The following ABCA3 variants were observed in gnomAD, a reference collection of about 807,000 sequenced individuals.
ABCA3 encodes the protein phospholipid-transporting ATPase ABCA3.
Under a neutral mutation model 172.8 loss-of-function variants are expected in ABCA3, and 88 were observed. The observed-to-expected ratio is 0.51, with a 90% CI of 0.43 to 0.61. The LOEUF is 0.61. Among genes scored for constraint, ABCA3 ranks in the 20% least tolerant of loss-of-function variants. The pLI is 0.00. For missense variants in ABCA3, 2,164 were observed against 2,301.0 expected (o/e 0.94, Z 1.22); for synonymous variants, 1,066 against 983.8 (o/e 1.08, Z -1.56).
In ABCA3 at chr16:2,300,551, CAT is replaced by C. The variant is rs1490068572; in HGVS notation, c.1468-405_1468-404del. Among the ~76,000 whole-genome samples, 26 of 152,328 alleles carry C rather than the reference CAT, an allele frequency of 1.7e-4. 1 individual carries two copies. The East Asian group carries it at 4.8e-3, about 28-fold the overall frequency. On this transcript the variant is annotated intron_variant, in intron 12 of 32. Coordinates refer to ENST00000301732, the MANE Select transcript of ABCA3 (RefSeq NM_001089.3). The stretch of plus-strand genomic sequence containing the variant: ...CGGCTGTTTCTTTGCTCAAGCCCCA[CAT>C]GAGTTCATGACTGTAAGCAAGAGAA...
chr16:2,307,004 G>A (rs1173659842), intron 11 of ABCA3, among the ~76,000 whole-genome samples: 4 of 115,994 alleles, frequency 3.4e-5, no homozygotes, highest in East Asian at 2.6e-4. Context: ...GAAAGAGTGA[G>A]AGACTCCGTC....
chr16:2,319,612 G>C lies in ABCA3; in HGVS notation c.842C>G (p.Ala281Gly), dbSNP rs1271636331. The change falls in exon 8 of 33, where the codon GCT (alanine) becomes GGT (glycine). Residue 281 changes from alanine to glycine, a missense_variant. By Grantham distance (60) the Ala-to-Gly change is moderately conservative. This residue lies in a region of ABCA3 where 1,343 missense variants were observed against 1,369.6 expected (regional missense o/e 0.98). Transcript: ENST00000301732. The part of the protein sequence containing the change: ...FTYTALTIAR[A>G]VVQEKERRLK... ...CCTCCTTTCCTTCTCCTGCACGACA[G>C]CACGGGCAATGGTGAGCGCGGTGTA... 1 of 1,613,148 alleles carries C rather than the reference G, an allele frequency of 6.2e-7. No individual in the cohort carries two copies. Among genetic ancestry groups the C allele is most frequent in the Non-Finnish European group, 8.5e-7 (1 of 1,180,028 alleles).
chr16:2,334,371 T>C (rs1389963526), intron 1 of ABCA3, among the ~76,000 whole-genome samples: 2 of 152,128 alleles, frequency 1.3e-5, no homozygotes, highest in East Asian at 1.9e-4. Flanking sequence ...TGTGTCCCAA[T>C]GGGCAGTGAT....
chr16:2,288,102 G>C lies in ABCA3; in HGVS notation c.2928C>G (p.Ser976=). 1 of 1,613,648 alleles carries C rather than the reference G, an allele frequency of 6.2e-7. No individual in the cohort carries two copies. The highest frequency in any genetic ancestry group is 1.1e-5 in the South Asian group (1 of 91,048). Residue 976 remains serine, a synonymous_variant, in exon 21 of 33, where the codon TCC becomes TCG. Transcript: ENST00000301732. ...TVVPFSVPGT[S]QLGQQLSEHL... ...GCTCTGACAGCTGCTGACCCAGCTGGGAGGTCCCGGGAACTGAGAAGGGCA... is the reference window on the plus strand; with the variant it reads ...GCTCTGACAGCTGCTGACCCAGCTGCGAGGTCCCGGGAACTGAGAAGGGCA...
chr16:2,286,553 G>A lies in ABCA3; in HGVS notation c.3278+141C>T. On this transcript the variant is annotated intron_variant, in intron 22 of 32. Coordinates refer to ENST00000301732, the MANE Select transcript of ABCA3 (RefSeq NM_001089.3). This position sits in a 1 kb window ranked among gnomAD's most constrained non-coding sequence, Gnocchi z 5.2. ...GTTGGGGCTGTGGATGGTGGAGGAGGATGTGGCAGGGGTTTCCCACCAGAC... is the reference window on the plus strand; with the variant it reads ...GTTGGGGCTGTGGATGGTGGAGGAGAATGTGGCAGGGGTTTCCCACCAGAC... The A allele has an allele frequency of 8.9e-7, 1 of 1,118,380 alleles. No individual in the cohort carries two copies. Among genetic ancestry groups the A allele is most frequent in the South Asian group, 1.5e-5 (1 of 66,818 alleles). 69.3% of individuals were successfully genotyped at this position (1,118,380 alleles called of 1,614,324 possible). A position where few individuals can be genotyped will look rare whatever the true frequency, so the allele number is the denominator to read the frequency against.
At position 2,285,506 on chromosome 16, in the gene ABCA3, C is replaced by T. The variant is rs1049373660; in HGVS notation, c.3419G>A (p.Ser1140Asn). 6 of 1,610,298 alleles carry T rather than the reference C, an allele frequency of 3.7e-6. No individual in the cohort carries two copies. Among genetic ancestry groups the T allele is most frequent in the South Asian group, 1.1e-5 (1 of 90,228 alleles). ...CCACAGCAGAGCAGAGAGCCAGAAA[C>T]TGGCCACGTGGACTCCACTCACAAA... is the stretch of plus-strand genomic sequence containing the variant. ...VQFVSGVHVASFWLSALLWDL... is the reference protein window; with the variant it reads ...VQFVSGVHVANFWLSALLWDL... Residue 1140 changes from serine to asparagine, a missense_variant, in exon 23 of 33, where the codon AGT becomes AAT. Ser to Asn is a conservative substitution (Grantham distance 46, BLOSUM62 1). Around this residue, in one of 3 missense-constraint regions of ABCA3, gnomAD observed 795 missense variants for 881.9 expected, o/e 0.90. Coordinates refer to ENST00000301732, the MANE Select transcript of ABCA3 (RefSeq NM_001089.3). This position sits in a 1 kb window ranked among gnomAD's most constrained non-coding sequence, Gnocchi z 4.7.
Position 2,279,255 on chromosome 16 carries a change from G to T in ABCA3, c.4360-125C>A. 1.7e-6 allele frequency: 2 copies of T among 1,151,744 alleles called. No homozygotes were observed. Among genetic ancestry groups the T allele is most frequent in the South Asian group, 1.4e-5 (1 of 73,204 alleles). The allele number at this position is 1,151,744 out of a possible 1,614,324, so 71.3% of individuals were successfully genotyped here. A position where few individuals can be genotyped will look rare whatever the true frequency, so the allele number is the denominator to read the frequency against. The stretch of plus-strand genomic sequence containing the variant: ...CTGTCTGTGGTTCCTGCCAGTGTGT[G>T]TACACGGGGGCGCTGGAGCTATGCA... On this transcript the variant is annotated intron_variant, in intron 28 of 32. Transcript: ENST00000301732. This position sits in a 1 kb window ranked among gnomAD's most constrained non-coding sequence, Gnocchi z 4.4.
intron 1 of ABCA3, 37 bp from the exon 2 acceptor site, chr16:2,329,891 A>G (rs1277878614): frequency 6.6e-6 from 1 of 152,228 alleles, no homozygotes; most frequent in East Asian, 1.9e-4. Context: ...TGTAATTTGG[A>G]AAATAATTAT....
rs780475879 is a variant in ABCA3 at position 2,283,379 on chromosome 16, T to C, written c.3863-21A>G. On this transcript the variant is annotated intron_variant, in intron 25 of 32. Transcript: ENST00000301732. This position sits in a 1 kb window ranked among gnomAD's most constrained non-coding sequence, Gnocchi z 5.4. ...GATGTCTGTGGGGCGAGGGAGTCAC[T>C]GTGCCCCGAGGCCTGGGGCACCCTC... 8 of 1,610,022 alleles carry C rather than the reference T, an allele frequency of 5.0e-6. No homozygotes were observed.
At chr16:2,318,116 G>A (rs2093719486) in intron 8 of ABCA3, among the ~76,000 whole-genome samples, 1 of 152,218 alleles carries the variant, frequency 6.6e-6, no homozygotes, top group South Asian at 2.1e-4. Context: ...TCTGGGGGTG[G>A]GCCGAAAGAC....
At chr16:2,332,882 T>C (rs2093745755) in intron 1 of ABCA3, 3 of 536,784 alleles carry the variant, frequency 5.6e-6, no homozygotes, top group Admixed American at 6.9e-5. Flanking sequence ...GCAGGGCTCA[T>C]CGCAGCCTGG....
chr16:2,300,016 G>A lies in ABCA3; in HGVS notation c.1600C>T (p.His534Tyr), dbSNP rs137950456. Reference sequence around the variant, plus strand: ...ACAGGAGGCGGCACCTTGGACAGGTGCTTGATCTTGATCCCCGCCACCAGG... The same window carrying A: ...ACAGGAGGCGGCACCTTGGACAGGTACTTGATCTTGATCCCCGCCACCAGG... ...EDLVAGIKIK[H>Y]LSKVFRVGNK... Residue 534 changes from histidine (H) to tyrosine (Y), a missense_variant, in exon 13 of 33, where the codon CAC becomes TAC. Transcript: ENST00000301732. 9.3e-6 allele frequency: 15 copies of A among 1,613,084 alleles called. No homozygotes were observed. The African/African-American group carries it at 2.0e-4, about 22-fold the overall frequency.
chr16:2,316,328 AAAGAAAAG>A, intron 10 of ABCA3, among the ~76,000 whole-genome samples: 2 of 140,418 alleles, frequency 1.4e-5, no homozygotes, highest in South Asian at 2.2e-4. Flanking sequence ...AAAAAAGAAA[AAAGAAAAG>A]AAAAAAAGAA....
At chr16:2,318,251 G>A (rs1300291638) in intron 8 of ABCA3, among the ~76,000 whole-genome samples, 1 of 152,154 alleles carries the variant, frequency 6.6e-6, no homozygotes, top group African/African-American at 2.4e-5. Flanking sequence ...GAAAGGAGGG[G>A]CCCAGAACCT....
chr16:2,277,553 C>T lies in ABCA3; in HGVS notation c.4983+44G>A, dbSNP rs766115461. ...GGGAGAGACCCCTGGAGGGACCTCCCCCTGCCCCATGAGTGCCCAGTGGGG... is the reference window on the plus strand; with the variant it reads ...GGGAGAGACCCCTGGAGGGACCTCCTCCTGCCCCATGAGTGCCCAGTGGGG... On this transcript the variant is annotated intron_variant, in intron 32 of 32. Transcript: ENST00000301732. The surrounding 1 kb of genome is among the most constrained non-coding windows in gnomAD (Gnocchi z 5.3). 1.9e-6 allele frequency: 3 copies of T among 1,603,622 alleles called. No individual in the cohort carries two copies. The Admixed American group carries it at 5.0e-5, about 27-fold the overall frequency.
Position 2,297,762 on chromosome 16 carries a change from A to G in ABCA3, c.2052+4T>C, listed in dbSNP as rs779317849. The G allele has an allele frequency of 2.5e-6, 4 of 1,610,976 alleles. No homozygotes were observed. The highest frequency in any genetic ancestry group is 1.9e-4 in the Middle Eastern group (1 of 5,314). On this transcript the variant is annotated splice_donor_region_variant and intron_variant, in intron 16 of 32. Transcript: ENST00000301732. The surrounding 1 kb of genome is among the most constrained non-coding windows in gnomAD (Gnocchi z 5.6). ...ACCCACTGCCTCCAGTCCCACCGCC[A>G]CACCTTGGAGCCTGCGATGAGGGCG...
At chr16:2,305,369 T>C (rs1456107486) in intron 11 of ABCA3, among the ~76,000 whole-genome samples, 1 of 152,196 alleles carries the variant, frequency 6.6e-6, no homozygotes, top group Non-Finnish European at 1.5e-5. Context: ...CAATCTTGGC[T>C]CGCTGCAGCC....
chr16:2,283,410 C>G lies in ABCA3; in HGVS notation c.3863-52G>C, dbSNP rs775317305. ...CCGAGGCCTGGGGCACCCTCCTCCC[C>G]TTCCAGGTTCCCGGCCCCCACTCCC... On this transcript the variant is annotated intron_variant, in intron 25 of 32. Coordinates refer to ENST00000301732, the MANE Select transcript of ABCA3 (RefSeq NM_001089.3). This position sits in a 1 kb window ranked among gnomAD's most constrained non-coding sequence, Gnocchi z 5.4. 5 of 1,593,166 alleles carry G rather than the reference C, an allele frequency of 3.1e-6. No homozygotes were observed. In the East Asian group the frequency reaches 1.1e-4, roughly 36 times the overall value.
rs769285612 is a variant in ABCA3 at position 2,277,705 on chromosome 16, C to T, written c.4910-35G>A. The T allele has an allele frequency of 3.1e-6, 5 of 1,612,054 alleles. No homozygotes were observed. Among genetic ancestry groups the T allele is most frequent in the East Asian group, 2.2e-5 (1 of 44,826 alleles). ...GGAGAGACGGTGTTGCTGTGAGCGC[C>T]GGGCTGGAGGATCGGGGAGGGTGCC... is the stretch of plus-strand genomic sequence containing the variant. On this transcript the variant is annotated intron_variant, in intron 31 of 32. Transcript: ENST00000301732. This position sits in a 1 kb window ranked among gnomAD's most constrained non-coding sequence, Gnocchi z 5.3.
Sources: gnomAD v4.1 joint callset for allele counts (sites outside exome capture counted in the v4.1 genomes callset) on GRCh38, gnomAD v4.1.1 for gene constraint, gnomAD v4.1.1 regional missense constraint, Gnocchi (gnomAD v3.1) non-coding constraint, MANE v1.5 for transcripts, NCBI Gene and HGNC (gene_info 2026-07-23, HGNC 2026-07-21) for gene names.